Variants in CENPE observed in about 807,000 individuals in gnomAD.
The protein encoded by CENPE is centromere protein E, also known as centromere-associated protein E.
In CENPE, 145 loss-of-function variants were observed where a neutral mutation model predicts 336.1. The observed-to-expected ratio is 0.43, with a 90% CI of 0.38 to 0.50. The LOEUF is 0.50. CENPE is among the 20% of genes least tolerant of loss of function. CENPE has a pLI of 0.00. For synonymous variants in CENPE, 1,013 were observed against 984.8 expected (o/e 1.03, Z -0.54); for missense variants, 2,719 against 3,023.3 (o/e 0.90, Z 2.36).
In CENPE at chr4:103,167,009, ATC is replaced by A. The variant is rs148590447; in HGVS notation, c.1648-3458_1648-3457del. On this transcript the variant is annotated intron_variant, in intron 16 of 48. Transcript: ENST00000265148. ...ATATTTTATACTTAGAAAATGAGTG[ATC>A]TGTTTCTATAAATTCCATTATAACT... Among the ~76,000 whole-genome samples, 1,134 of 152,286 alleles carry A rather than the reference ATC, an allele frequency of 7.4e-3. 18 individuals are homozygous for A. Among genetic ancestry groups the A allele is most frequent in the African/African-American group, 0.026 (1,079 of 41,556 alleles).
intron 27 of CENPE, 30 bp from the exon 28 acceptor site, chr4:103,149,029 A>C (rs1292695995): frequency 6.2e-7 from 1 of 1,603,114 alleles, no homozygotes; most frequent in African/African-American, 1.4e-5. Context: ...AGAATATTGT[A>C]ATATTCTTCC....
At chr4:103,191,323 A>G (rs1757305037) in intron 8 of CENPE, among the ~76,000 whole-genome samples, 1 of 152,246 alleles carries the variant, frequency 6.6e-6, no homozygotes, top group South Asian at 2.1e-4. Flanking sequence ...TTATAAAATC[A>G]TGCTGCTATA....
chr4:103,124,367 G>C (rs918264031), intron 42 of CENPE, among the ~76,000 whole-genome samples: 1 of 152,158 alleles, frequency 6.6e-6, no homozygotes, highest in Non-Finnish European at 1.5e-5. Flanking sequence ...ATAATGACTA[G>C]AGAGGATTCA....
intron 13 of CENPE, 59 bp from the exon 14 acceptor site, chr4:103,177,105 A>T: frequency 7.3e-7 from 1 of 1,369,800 alleles, no homozygotes; most frequent in African/African-American, 1.5e-5. Context: ...ATAATAAAAC[A>T]AGGGAACTAG....
At chr4:103,143,002 T>TAAA (rs1752697574) in intron 34 of CENPE, among the ~76,000 whole-genome samples, 1 of 45,614 alleles carries the variant, frequency 2.2e-5, no homozygotes, top group Non-Finnish European at 4.0e-5. Context: ...AGACTCTGTC[T>TAAA]CAAAAAAAAA....
intron 34 of CENPE, among the ~76,000 whole-genome samples, chr4:103,142,536 ACTC>A (rs1752651478): frequency 6.6e-6 from 1 of 151,862 alleles, no homozygotes; most frequent in Admixed American, 6.6e-5. Flanking sequence ...GATTTCCTCT[ACTC>A]CTCTTAGGCC....
At chr4:103,146,349 T>A (rs892349372) in intron 29 of CENPE, among the ~76,000 whole-genome samples, 2 of 152,218 alleles carry the variant, frequency 1.3e-5, no homozygotes, top group Non-Finnish European at 2.9e-5. Flanking sequence ...TTACAGGATC[T>A]CTCTCTTTTT....
intron 8 of CENPE, among the ~76,000 whole-genome samples, chr4:103,192,832 T>G (rs1757468497): frequency 6.6e-6 from 1 of 152,046 alleles, no homozygotes. Context: ...GGTAAAATAT[T>G]TGGCAGTCAT....
intron 40 of CENPE, among the ~76,000 whole-genome samples, chr4:103,134,943 T>C (rs1254542801): frequency 6.6e-6 from 1 of 152,360 alleles, no homozygotes; most frequent in Non-Finnish European, 1.5e-5. Context: ...TATCACCACA[T>C]TGAGAGAATA....
intron 48 of CENPE, among the ~76,000 whole-genome samples, chr4:103,106,929 T>C (rs1748950183): frequency 6.6e-6 from 1 of 152,190 alleles, no homozygotes; most frequent in African/African-American, 2.4e-5. Context: ...TCTGAATTGG[T>C]CAGTTTTTGA....
chr4:103,117,638 T>C (rs1341366990), intron 44 of CENPE, among the ~76,000 whole-genome samples: 1 of 149,690 alleles, frequency 6.7e-6, no homozygotes, highest in African/African-American at 2.5e-5. Flanking sequence ...TTTTTTTTTT[T>C]TTTTTTTAAG....
chr4:103,193,490 C>A (rs746237989), intron 8 of CENPE, among the ~76,000 whole-genome samples: 1 of 151,962 alleles, frequency 6.6e-6, no homozygotes, highest in African/African-American at 2.4e-5. Context: ...TATCCCACAT[C>A]AAGCTAAAGA....
chr4:103,151,810 T>C (rs1753594582), intron 25 of CENPE, among the ~76,000 whole-genome samples: 1 of 152,160 alleles, frequency 6.6e-6, no homozygotes, highest in Non-Finnish European at 1.5e-5. Context: ...CTTGGGCTGA[T>C]CCTGGTTATT....
chr4:103,133,850 C>T lies in CENPE; in HGVS notation c.6565G>A (p.Glu2189Lys). 1 of 1,597,190 alleles carries T rather than the reference C, an allele frequency of 6.3e-7. No individual in the cohort carries two copies. The highest frequency in any genetic ancestry group is 8.6e-7 in the Non-Finnish European group (1 of 1,168,282). ...YVTKIKEEQH[E>K]SINKFEMDFI... is the part of the protein sequence containing the mutation. ...TCCATTTCAAATTTATTGATGGATT[C>T]ATGTTGTTCTTCTTTTATTTTTGTA... is the stretch of plus-strand genomic sequence containing the variant. Residue 2189 changes from glutamate (E) to lysine (K), a missense_variant, in exon 41 of 49, where the codon GAA (glutamate) becomes AAA (lysine). By Grantham distance (56) the Glu-to-Lys change is moderately conservative. Transcript: ENST00000265148.
Position 103,133,775 on chromosome 4 carries a change from G to C in CENPE, c.6640C>G (p.His2214Asp). Residue 2214 changes from histidine to aspartate, a missense_variant, in exon 41 of 49, where the codon CAC becomes GAC. His to Asp is a moderately conservative substitution (Grantham distance 81). This residue lies in a region of CENPE where 2,437 missense variants were observed against 2,513.3 expected (regional missense o/e 0.97). Coordinates refer to ENST00000265148, the MANE Select transcript of CENPE (RefSeq NM_001813.3). ...GGTACATCACAATCTTGTTGAAGGT[G>C]CTGTATTTTAATTAGCAATTCCTTT... ...KQKELLIKIQ[H>D]LQQDCDVPSR... is the part of the protein sequence containing the mutation. The C allele has an allele frequency of 6.2e-7, 1 of 1,611,478 alleles. No homozygotes were observed. Among genetic ancestry groups the C allele is most frequent in the Middle Eastern group, 1.7e-4 (1 of 6,050 alleles).
chr4:103,192,444 G>A (rs1757437233), intron 8 of CENPE, among the ~76,000 whole-genome samples: 1 of 152,186 alleles, frequency 6.6e-6, no homozygotes. Flanking sequence ...AAAAGCAATG[G>A]TTAGTATATT....
chr4:103,111,099 A>G, intron 46 of CENPE, 88 bp from the exon 47 acceptor site: 1 of 988,066 alleles, frequency 1.0e-6, no homozygotes, highest in South Asian at 1.8e-5. Context: ...ACAATAAGCC[A>G]TTATAGAGAC....
chr4:103,185,919 A>C (rs1756730134), intron 8 of CENPE, 58 bp from the exon 9 acceptor site: 2 of 1,159,736 alleles, frequency 1.7e-6, no homozygotes, highest in South Asian at 1.3e-5. Flanking sequence ...ATAAAATTCA[A>C]ACTACTGAAA....
rs1404833291 is a variant in CENPE, at chr4:103,146,052, T to C, written c.4190A>G (p.Asn1397Ser). ...CTCACTCACGATTTTGGTAGTTTCA[T>C]TGTCTTTTTCTTTCATATTTAAGGA... ...EQSLNMKEKDNETTKIVSEME... is the reference protein window; with the variant it reads ...EQSLNMKEKDSETTKIVSEME... The change falls in exon 30 of 49, where the codon AAT (asparagine) becomes AGT (serine). Residue 1397 changes from asparagine (N) to serine (S), a missense_variant. Asn to Ser is a conservative substitution (Grantham distance 46). Coordinates refer to ENST00000265148, the MANE Select transcript of CENPE (RefSeq NM_001813.3). The C allele has an allele frequency of 3.1e-6, 5 of 1,613,928 alleles. No homozygotes were observed. Among genetic ancestry groups the C allele is most frequent in the Middle Eastern group, 1.7e-4 (1 of 6,056 alleles).
Sources: allele counts gnomAD v4.1 joint callset (sites outside exome capture counted in the v4.1 genomes callset), GRCh38; gene constraint gnomAD v4.1.1; regional missense constraint gnomAD v4.1.1; transcripts MANE v1.5; gene names NCBI Gene and HGNC (gene_info 2026-07-23, HGNC 2026-07-21).